Variants in EPB41L4B observed in about 807,000 individuals in gnomAD.
EPB41L4B encodes the protein band 4.1-like protein 4B.
Under a neutral mutation model 112.5 loss-of-function variants are expected in EPB41L4B, and 30 were observed. That is an observed-to-expected ratio of 0.27 (90% CI 0.20 to 0.36). EPB41L4B has a LOEUF of 0.36. Among genes scored for constraint, EPB41L4B ranks in the 10% least tolerant of loss-of-function variants. The pLI is 1.00. For missense variants in EPB41L4B, 1,024 were observed against 1,133.3 expected, an observed-to-expected ratio of 0.90 and a Z score of 1.38; for synonymous variants, 408 against 439.7, an observed-to-expected ratio of 0.93 and a Z score of 0.90.
chr9:109,233,850 A>T (rs1347413005), intron 15 of EPB41L4B, among the ~76,000 whole-genome samples: 2 of 152,162 alleles, frequency 1.3e-5, no homozygotes, highest in African/African-American at 4.8e-5. Flanking sequence ...TACTTTTAAA[A>T]AAATGTCTGG....
intron 5 of EPB41L4B, among the ~76,000 whole-genome samples, chr9:109,263,314 A>G (rs1835284857): frequency 6.6e-6 from 1 of 152,260 alleles, no homozygotes; most frequent in Non-Finnish European, 1.5e-5. Context: ...AAATAACCCA[A>G]TGTAGGTATA....
intron 15 of EPB41L4B, among the ~76,000 whole-genome samples, chr9:109,219,453 C>T (rs1328297735): frequency 6.6e-5 from 10 of 152,128 alleles, no homozygotes; most frequent in African/African-American, 2.2e-4. Flanking sequence ...CTCCGCCTCC[C>T]GGGTTCACGC....
In EPB41L4B at chr9:109,231,041, C is replaced by G. The variant is rs532052407; in HGVS notation, c.1409+12577G>C. ...GGGCATAGTGGTGCACGCCTGTAGT[C>G]CCAGCTACCCAGGAGAATGAAGTGG... On this transcript the variant is annotated intron_variant, in intron 15 of 25. Transcript: ENST00000374566. Among the ~76,000 whole-genome samples the G allele has an allele frequency of 4.6e-5, 7 of 152,118 alleles. No homozygotes were observed. The East Asian group carries it at 7.7e-4, about 17-fold the overall frequency.
chr9:109,194,107 A>G (rs1358488288), intron 21 of EPB41L4B, 113 bp downstream of exon 21: 2 of 1,202,340 alleles, frequency 1.7e-6, no homozygotes, highest in Non-Finnish European at 2.3e-6. Context: ...TTTTATGAGT[A>G]TACACAATTG....
intron 1 of EPB41L4B, among the ~76,000 whole-genome samples, chr9:109,290,738 C>A (rs777321842): frequency 6.7e-6 from 1 of 149,402 alleles, no homozygotes; most frequent in Non-Finnish European, 1.5e-5. Flanking sequence ...TACACACACA[C>A]ACATACATAT....
At chr9:109,270,082 T>C (rs1254576482) in intron 2 of EPB41L4B, among the ~76,000 whole-genome samples, 4 of 150,864 alleles carry the variant, frequency 2.7e-5, no homozygotes, top group Admixed American at 6.8e-5. Flanking sequence ...GGATGCTTTA[T>C]CTCATTGTTA....
Position 109,256,496 on chromosome 9 carries a change from G to A in EPB41L4B, c.753-16C>T. On this transcript the variant is annotated splice_polypyrimidine_tract_variant and intron_variant, in intron 7 of 25. Coordinates refer to ENST00000374566, the MANE Select transcript of EPB41L4B (RefSeq NM_019114.5). ...GCTCTTTCCCCTTAGAAAAACCAAT[G>A]GAAATACATGTAAACTGCGACTCGT... 1 of 1,609,662 alleles carries A rather than the reference G, an allele frequency of 6.2e-7. No individual in the cohort carries two copies. Among genetic ancestry groups the A allele is most frequent in the Non-Finnish European group, 8.5e-7 (1 of 1,176,444 alleles).
intron 5 of EPB41L4B, among the ~76,000 whole-genome samples, chr9:109,263,491 T>G (rs1835289784): frequency 6.6e-6 from 1 of 152,244 alleles, no homozygotes; most frequent in South Asian, 2.1e-4. Flanking sequence ...CAAATCTTTC[T>G]TGAAACAAGG....
intron 1 of EPB41L4B, among the ~76,000 whole-genome samples, chr9:109,288,901 A>AAAAGG (rs1470604501): frequency 2.6e-5 from 4 of 151,796 alleles, no homozygotes; most frequent in East Asian, 1.9e-4. Context: ...CTTGTCAAAA[A>AAAAGG]AAAGGAAAGG....
intron 15 of EPB41L4B, among the ~76,000 whole-genome samples, chr9:109,226,627 TATGAAGAATATATATATATATGAAGA>T (rs1564278873): frequency 2.6e-5 from 1 of 38,926 alleles, no homozygotes; most frequent in African/African-American, 8.8e-5. Context: ...TATATATATA[TATGAAGAATATATATATATATGAAGA>T]ATATATATAT....
intron 15 of EPB41L4B, among the ~76,000 whole-genome samples, chr9:109,224,104 T>C (rs909961138): frequency 3.9e-5 from 6 of 151,986 alleles, no homozygotes; most frequent in Non-Finnish European, 8.8e-5. Context: ...AAATGCAAAA[T>C]AGTGCAGCCA....
chr9:109,262,152 C>T (rs974060086), intron 6 of EPB41L4B, among the ~76,000 whole-genome samples: 16 of 152,284 alleles, frequency 1.1e-4, no homozygotes, highest in Admixed American at 1.0e-3. Context: ...TCTTACCATC[C>T]AGTTCCCACT....
rs72746912 is a variant in EPB41L4B, at chr9:109,271,592, A to C, written c.412-3159T>G. ...TGAACGCTGGGGCAATGAAAGCCCA[A>C]CATGGCATTTAGTAAACTGTATCCT... On this transcript the variant is annotated intron_variant, in intron 2 of 25. Coordinates refer to ENST00000374566, the MANE Select transcript of EPB41L4B (RefSeq NM_019114.5). Among the ~76,000 whole-genome samples, 1,434 of 152,372 alleles carry C rather than the reference A, an allele frequency of 9.4e-3. 11 individuals are homozygous for C. The highest frequency in any genetic ancestry group is 0.037 in the South Asian group (178 of 4,830).
rs1831668488 is a variant in EPB41L4B, at chr9:109,172,594, A to G, written c.*1960T>C. The G allele has an allele frequency of 6.6e-6, 1 of 152,160 alleles. No homozygotes were observed. 9.4% of individuals were successfully genotyped at this position (152,160 alleles called of 1,614,324 possible). A position where few individuals can be genotyped will look rare whatever the true frequency, so the allele number is the denominator to read the frequency against. On this transcript the variant is annotated 3_prime_UTR_variant, in exon 26 of 26. Coordinates refer to ENST00000374566, the MANE Select transcript of EPB41L4B (RefSeq NM_019114.5). ...CATATTGATAGCTCTTAATGATATC[A>G]CTGCACCGTACCAAGGTATAAAAGG...
intron 13 of EPB41L4B, 98 bp from the exon 14 acceptor site, chr9:109,247,887 T>C: frequency 1.1e-6 from 1 of 930,184 alleles, no homozygotes; most frequent in Non-Finnish European, 1.5e-6. Flanking sequence ...ACTATTCCTA[T>C]GTGCTACATA....
intron 1 of EPB41L4B, chr9:109,307,231 T>C: frequency 2.0e-6 from 1 of 499,450 alleles, no homozygotes; most frequent in Non-Finnish European, 4.0e-6. Flanking sequence ...TTTTTCCTTT[T>C]TTTTTTTCCA....
At chr9:109,294,414 T>G (rs1488680051) in intron 1 of EPB41L4B, among the ~76,000 whole-genome samples, 1 of 152,082 alleles carries the variant, frequency 6.6e-6, no homozygotes, top group Non-Finnish European at 1.5e-5. Flanking sequence ...CCCAGGAGTT[T>G]GAGACCAGCC....
chr9:109,267,329 G>T (rs770145987), intron 4 of EPB41L4B, 144 bp downstream of exon 4: 2 of 520,394 alleles, frequency 3.8e-6, no homozygotes, highest in South Asian at 7.5e-5. Flanking sequence ...AACGGAACAC[G>T]GAAGCACCGG....
At chr9:109,259,911 G>A (rs532989942) in intron 6 of EPB41L4B, among the ~76,000 whole-genome samples, 5 of 152,198 alleles carry the variant, frequency 3.3e-5, no homozygotes, top group African/African-American at 1.2e-4. Flanking sequence ...CAAACCTACA[G>A]AGATGCTCTA....
Sources: allele counts gnomAD v4.1 joint callset (sites outside exome capture counted in the v4.1 genomes callset), GRCh38; gene constraint gnomAD v4.1.1; transcripts MANE v1.5; gene names NCBI Gene and HGNC (gene_info 2026-07-23, HGNC 2026-07-21).